The following RLIG1 variants were observed in gnomAD, a reference collection of about 807,000 sequenced individuals.
RLIG1 encodes the protein RNA ligase 1.
the RLIG1 span, chr12:88,040,347 G>T: frequency 2.5e-6 from 2 of 789,326 alleles, no homozygotes; most frequent in Admixed American, 3.1e-5. Flanking sequence ...TGAGGCATTT[G>T]CTCTTCATAA....
chr12:88,043,986 C>A, the RLIG1 span: 2 of 396,060 alleles, frequency 5.0e-6, no homozygotes, highest in Non-Finnish European at 9.0e-6. Flanking sequence ...AGAGAATAGC[C>A]TTGAGGCCAG....
the RLIG1 span, chr12:88,035,939 G>C: frequency 2.6e-6 from 4 of 1,522,718 alleles, no homozygotes; most frequent in Non-Finnish European, 3.5e-6. Context: ...TCTTAGTTGT[G>C]AGGGAGGGAA....
the RLIG1 span, chr12:88,049,710 A>G: frequency 1.5e-5 from 3 of 200,450 alleles, no homozygotes; most frequent in Non-Finnish European, 3.0e-5. Context: ...GAGCTTGTCA[A>G]TAGAGCAATC....
At chr12:88,048,055 G>GGAA in the RLIG1 span, among the ~76,000 whole-genome samples, 1 of 151,808 alleles carries the variant, frequency 6.6e-6, no homozygotes, top group Non-Finnish European at 1.5e-5. Flanking sequence ...ATTCTAATGG[G>GGAA]GAAGATAGAC....
chr12:88,045,631 T>C, the RLIG1 span: 1 of 1,613,060 alleles, frequency 6.2e-7, no homozygotes, highest in Non-Finnish European at 8.5e-7. Flanking sequence ...GGCATTCCTC[T>C]GTAGTTAATT....
At chr12:88,039,921 C>T in the RLIG1 span, among the ~76,000 whole-genome samples, 6 of 152,088 alleles carry the variant, frequency 3.9e-5, no homozygotes, top group South Asian at 2.1e-4. Context: ...GATAAAGAAA[C>T]GTAAATAACT....
chr12:88,049,108 G>GAACT, the RLIG1 span: 1 of 813,402 alleles, frequency 1.2e-6, no homozygotes, highest in Non-Finnish European at 2.0e-6. Context: ...ACAGTTCGGA[G>GAACT]AACTGCTTAT....
At chr12:88,048,137 T>C in the RLIG1 span, 7 of 883,514 alleles carry the variant, frequency 7.9e-6, no homozygotes, top group Non-Finnish European at 1.1e-5. Context: ...AAGTGGAGTC[T>C]TACCCAGTAC....
the RLIG1 span, among the ~76,000 whole-genome samples, chr12:88,039,113 A>C: frequency 1.3e-5 from 2 of 152,162 alleles, no homozygotes; most frequent in African/African-American, 2.4e-5. Flanking sequence ...TGATTCATTT[A>C]TGCCTTTGTA....
the RLIG1 span, chr12:88,046,929 A>G: frequency 6.2e-7 from 1 of 1,612,548 alleles, no homozygotes; most frequent in African/African-American, 1.3e-5. Flanking sequence ...CAAAGAGGGT[A>G]AAATTGAAGG....
chr12:88,035,786 C>G, the RLIG1 span: 1 of 1,555,188 alleles, frequency 6.4e-7, no homozygotes. Flanking sequence ...GGGCTCCTCC[C>G]CGCGGCGCTG....
At chr12:88,041,218 T>A in the RLIG1 span, among the ~76,000 whole-genome samples, 1 of 152,222 alleles carries the variant, frequency 6.6e-6, no homozygotes, top group Non-Finnish European at 1.5e-5. Context: ...TGTGACTGGC[T>A]TATTTCACTT....
the RLIG1 span, chr12:88,044,754 G>C: frequency 6.5e-6 from 1 of 152,778 alleles, no homozygotes; most frequent in East Asian, 1.9e-4. Flanking sequence ...CTCCCAGGAA[G>C]AGGGAATATC....
At chr12:88,035,603 C>G in the RLIG1 span, 1 of 1,555,550 alleles carries the variant, frequency 6.4e-7, no homozygotes, top group East Asian at 2.4e-5. Flanking sequence ...GGACCGGGCG[C>G]CGCTCGAAAG....
chr12:88,042,894 T>G, the RLIG1 span: 1 of 1,574,466 alleles, frequency 6.4e-7, no homozygotes, highest in African/African-American at 1.4e-5. Context: ...TTTAAAAATT[T>G]TCTACATTCA....
At chr12:88,046,837 T>A in the RLIG1 span, 1 of 1,612,148 alleles carries the variant, frequency 6.2e-7, no homozygotes, top group Non-Finnish European at 8.5e-7. Context: ...CCATTACATC[T>A]TCTTATACCA....
chr12:88,035,538 G>C, the RLIG1 span: 7 of 1,113,670 alleles, frequency 6.3e-6, no homozygotes, highest in Non-Finnish European at 9.1e-6. Context: ...GGCTGGGCGC[G>C]GAGTGTGCGT....
chr12:88,048,240 C>T, the RLIG1 span: 6 of 1,546,470 alleles, frequency 3.9e-6, no homozygotes, highest in Admixed American at 8.0e-5. Context: ...CCAGGTCCAT[C>T]GCCATCATCT....
the RLIG1 span, chr12:88,048,309 A>G: frequency 3.1e-6 from 5 of 1,606,384 alleles, no homozygotes; most frequent in East Asian, 2.2e-5. Context: ...TATTATCAAC[A>G]TGAACCTGAA....
Sources: allele counts gnomAD v4.1 joint callset (sites outside exome capture counted in the v4.1 genomes callset), GRCh38; gene constraint gnomAD v4.1.1; transcripts MANE v1.5; gene names NCBI Gene and HGNC (gene_info 2026-07-23, HGNC 2026-07-21).